The following WNT3A variants were observed in gnomAD, a reference collection of about 807,000 sequenced individuals.
The protein encoded by WNT3A is Wnt family member 3A, also known as protein Wnt-3a.
WNT3A carries 17 observed loss-of-function variants against 37.0 expected under a neutral mutation model. That is an observed-to-expected ratio of 0.46 (90% CI 0.31 to 0.69). WNT3A has a LOEUF of 0.69. Ranked by LOEUF, WNT3A falls within the 30% of genes least tolerant of loss-of-function variation. The pLI, the probability that WNT3A is intolerant of heterozygous loss-of-function variation, is 0.05. For missense variants in WNT3A, 411 were observed against 510.2 expected (o/e 0.81, Z 1.87); for synonymous variants, 187 against 211.0 (o/e 0.89, Z 0.99).
intron 1 of WNT3A, among the ~76,000 whole-genome samples, chr1:228,011,607 T>A (rs1243597808): frequency 6.6e-6 from 1 of 152,212 alleles, no homozygotes; most frequent in Non-Finnish European, 1.5e-5. Context: ...TCAGTCTTTG[T>A]CCTGTCTCTC....
In WNT3A at chr1:228,037,547, T is replaced by G. The variant is rs997685531; in HGVS notation, c.314-13109T>G. Among the ~76,000 whole-genome samples, 1 of 151,870 alleles carries G rather than the reference T, an allele frequency of 6.6e-6. No homozygotes were observed. On this transcript the variant is annotated intron_variant, in intron 2 of 3. Coordinates refer to ENST00000284523, the MANE Select transcript of WNT3A (RefSeq NM_033131.4). The surrounding 1 kb of genome is among the most constrained non-coding windows in gnomAD (Gnocchi z 4.1). ...CTGCCTATGAGGGCCGGCACAGGGG[T>G]GGGGCCTGCCTGCTAGGACATGGGG...
In WNT3A at chr1:228,050,985, G is replaced by A. The variant is rs144201558; in HGVS notation, c.579+64G>A. Reference sequence around the variant, plus strand: ...GCCTCCTCAGCAGGGTGTGTGCCCTGGTTCCTTGGGGCATATGGCCCGGTG... The same window carrying A: ...GCCTCCTCAGCAGGGTGTGTGCCCTAGTTCCTTGGGGCATATGGCCCGGTG... On this transcript the variant is annotated intron_variant, in intron 3 of 3. Coordinates refer to ENST00000284523, the MANE Select transcript of WNT3A (RefSeq NM_033131.4). The surrounding 1 kb of genome is among the most constrained non-coding windows in gnomAD (Gnocchi z 5.0). 2.4e-4 allele frequency: 346 copies of A among 1,459,310 alleles called. No homozygotes were observed. The East Asian group carries it at 8.0e-3, about 34-fold the overall frequency. The allele number at this position is 1,459,310 out of a possible 1,614,324, so 90.4% of individuals were successfully genotyped here. A position where few individuals can be genotyped will look rare whatever the true frequency, so the allele number is the denominator to read the frequency against.
chr1:228,011,011 C>T (rs2030353269), intron 1 of WNT3A, among the ~76,000 whole-genome samples: 3 of 152,152 alleles, frequency 2.0e-5, no homozygotes, highest in Admixed American at 2.0e-4. Flanking sequence ...CCCTGCTCAG[C>T]CAGTGTCTGC....
intron 1 of WNT3A, among the ~76,000 whole-genome samples, chr1:228,021,001 G>A (rs1348048128): frequency 6.6e-6 from 1 of 152,224 alleles, no homozygotes. Context: ...ACCTCCACCA[G>A]TGCCCAAAAG....
At chr1:228,010,076 T>C (rs75572684) in intron 1 of WNT3A, among the ~76,000 whole-genome samples, 12,197 of 152,214 alleles carry the variant, frequency 0.08, 570 homozygotes, top group South Asian at 0.12. Context: ...GGCAGGAACC[T>C]AGTGGCCCCA....
chr1:228,010,683 C>T (rs1444336698), intron 1 of WNT3A, among the ~76,000 whole-genome samples: 1 of 152,258 alleles, frequency 6.6e-6, no homozygotes, highest in Non-Finnish European at 1.5e-5. Context: ...TTGCAGATGG[C>T]CACCCCAGTT....
intron 1 of WNT3A, among the ~76,000 whole-genome samples, chr1:228,009,531 C>T (rs535472124): frequency 6.6e-6 from 1 of 152,264 alleles, no homozygotes; most frequent in East Asian, 1.9e-4. Context: ...TGGCCCCTGC[C>T]AGGTGGGCTC....
At chr1:228,018,006 C>T (rs569510070) in intron 1 of WNT3A, among the ~76,000 whole-genome samples, 6 of 152,350 alleles carry the variant, frequency 3.9e-5, no homozygotes, top group South Asian at 2.1e-4. Flanking sequence ...CATTGGCTAA[C>T]GCAGACTGAC....
intron 1 of WNT3A, among the ~76,000 whole-genome samples, chr1:228,022,230 G>A (rs564952976): frequency 3.3e-5 from 5 of 152,312 alleles, no homozygotes; most frequent in South Asian, 2.1e-4. Flanking sequence ...AGGCTCTAGC[G>A]AGAGGTCACT....
In WNT3A at chr1:228,060,474, C is replaced by G; in HGVS notation, c.*1009C>G. On this transcript the variant is annotated 3_prime_UTR_variant, in exon 4 of 4. Coordinates refer to ENST00000284523, the MANE Select transcript of WNT3A (RefSeq NM_033131.4). Reference sequence around the variant, plus strand: ...CCTGGGGAAAGCCTGAAGGGCCTCCCAGCCCCCAACCCCAAGACCAAGCTT... The same window carrying G: ...CCTGGGGAAAGCCTGAAGGGCCTCCGAGCCCCCAACCCCAAGACCAAGCTT... The G allele has an allele frequency of 1.0e-5, 4 of 392,164 alleles. No homozygotes were observed. Among genetic ancestry groups the G allele is most frequent in the Non-Finnish European group, 1.9e-5 (4 of 215,822 alleles). 24.3% of individuals were successfully genotyped at this position (392,164 alleles called of 1,614,324 possible).
At chr1:228,024,941 T>C (rs571045383) in intron 2 of WNT3A, among the ~76,000 whole-genome samples, 3 of 152,326 alleles carry the variant, frequency 2.0e-5, no homozygotes, top group African/African-American at 2.4e-5. Flanking sequence ...TGAAAATCAA[T>C]TGGTCATAGA....
In WNT3A at chr1:228,059,066, G is replaced by C; in HGVS notation, c.660G>C (p.Ser220=). 1 of 1,613,610 alleles carries C rather than the reference G, an allele frequency of 6.2e-7. No homozygotes were observed. ...GCGAGGTGAAGACATGCTGGTGGTC[G>C]CAACCCGACTTCCGCGCCATCGGTG... ...GSCEVKTCWW[S]QPDFRAIGDF... Residue 220 remains serine (S), a synonymous_variant, in exon 4 of 4, where the codon TCG becomes TCC. Coordinates refer to ENST00000284523, the MANE Select transcript of WNT3A (RefSeq NM_033131.4).
At position 228,012,852 on chromosome 1, in the gene WNT3A, G is replaced by A. The variant is rs147322415; in HGVS notation, c.71+5653G>A. Among the ~76,000 whole-genome samples, 1,407 of 152,158 alleles carry A rather than the reference G, an allele frequency of 9.2e-3. 12 individuals are homozygous for A. The highest frequency in any genetic ancestry group is 0.034 in the Middle Eastern group (10 of 294). On this transcript the variant is annotated intron_variant, in intron 1 of 3. Coordinates refer to ENST00000284523, the MANE Select transcript of WNT3A (RefSeq NM_033131.4). ...GTGCTGAGCTGCAGCTACCGAGGCC[G>A]AAGAAAAGGAATGTCATTCACAAAG... is the stretch of plus-strand genomic sequence containing the variant.
intron 1 of WNT3A, among the ~76,000 whole-genome samples, chr1:228,015,824 G>A (rs941381662): frequency 2.0e-5 from 3 of 152,016 alleles, no homozygotes; most frequent in South Asian, 2.1e-4. Flanking sequence ...CGTGGGAGAG[G>A]TCGAAGGGGA....
intron 1 of WNT3A, among the ~76,000 whole-genome samples, chr1:228,014,533 C>T (rs2102761452): frequency 6.6e-6 from 1 of 152,354 alleles, no homozygotes; most frequent in East Asian, 1.9e-4. Flanking sequence ...AGGACTTGCA[C>T]AGGAACAGTG....
intron 2 of WNT3A, among the ~76,000 whole-genome samples, chr1:228,028,316 T>C (rs1428775180): frequency 1.6e-5 from 2 of 127,008 alleles, no homozygotes; most frequent in Admixed American, 8.5e-5. Context: ...TTTTTTTTGA[T>C]GGAGTCTCAC....
At chr1:228,019,917 A>C (rs1205437499) in intron 1 of WNT3A, among the ~76,000 whole-genome samples, 1 of 152,092 alleles carries the variant, frequency 6.6e-6, no homozygotes, top group African/African-American at 2.4e-5. Flanking sequence ...CAACCACCTC[A>C]CCCTGGCTTA....
chr1:228,036,999 T>C (rs2031159334), intron 2 of WNT3A, among the ~76,000 whole-genome samples: 1 of 152,092 alleles, frequency 6.6e-6, no homozygotes, highest in Non-Finnish European at 1.5e-5. Flanking sequence ...CCCTCTAACA[T>C]GGGCTGGGCC....
intron 3 of WNT3A, among the ~76,000 whole-genome samples, chr1:228,051,562 T>C (rs2031555832): frequency 6.6e-6 from 1 of 152,182 alleles, no homozygotes; most frequent in Non-Finnish European, 1.5e-5. Flanking sequence ...TCCAAGGTCA[T>C]GGTACTAGCA....
Sources: allele counts gnomAD v4.1 joint callset (sites outside exome capture counted in the v4.1 genomes callset), GRCh38; gene constraint gnomAD v4.1.1; non-coding constraint Gnocchi (gnomAD v3.1); transcripts MANE v1.5; gene names NCBI Gene and HGNC (gene_info 2026-07-23, HGNC 2026-07-21).